The following UGT1A8 variants were observed in gnomAD, a reference collection of about 807,000 sequenced individuals.
UGT1A8 encodes UDP-glucuronosyltransferase 1A8.
In UGT1A8, 39 loss-of-function variants were observed where a neutral mutation model predicts 45.3. That is an observed-to-expected ratio of 0.86 (90% CI 0.67 to 1.12). The LOEUF (loss-of-function observed/expected upper bound fraction) is 1.12. Ranked by LOEUF, UGT1A8 falls within the 50% of genes most tolerant of loss-of-function variation. The pLI is 0.00. For synonymous variants in UGT1A8, 275 were observed against 249.2 expected (o/e 1.10, Z -0.97); for missense variants, 719 against 664.9 (o/e 1.08, Z -0.90).
At position 233,772,501 on chromosome 2, in the gene UGT1A8, G is replaced by T. The variant is rs778667717; in HGVS notation, c.1535G>T (p.Arg512Leu). 1.3e-5 allele frequency: 21 copies of T among 1,614,038 alleles called. No homozygotes were observed. In the African/African-American group the frequency reaches 2.5e-4, roughly 19 times the overall value. The change falls in exon 5 of 5, where the codon CGG (arginine) becomes CTG (leucine). Residue 512 changes from arginine to leucine, a missense_variant. By Grantham distance (102) the Arg-to-Leu change is moderately radical. Coordinates refer to ENST00000373450, the MANE Select transcript of UGT1A8 (RefSeq NM_019076.5). ...ITFKCCAYGY[R>L]KCLGKKGRVK... Reference sequence around the variant, plus strand: ...TTTAAATGTTGTGCTTATGGCTACCGGAAATGCTTGGGGAAAAAAGGGCGA... The same window carrying T: ...TTTAAATGTTGTGCTTATGGCTACCTGAAATGCTTGGGGAAAAAAGGGCGA...
chr2:233,618,420 C>G lies in UGT1A8; in HGVS notation c.713C>G (p.Pro238Arg). 6.2e-7 allele frequency: 1 copy of G among 1,613,880 alleles called. No individual in the cohort carries two copies. The highest frequency in any genetic ancestry group is 8.5e-7 in the Non-Finnish European group (1 of 1,179,852). The change falls in exon 1 of 5, where the codon CCT becomes CGT. Residue 238 changes from proline to arginine, a missense_variant. Transcript: ENST00000373450. ...ATAGCCTCTGAAATTCTCCAAACAC[C>G]TGTCACAGCATATGATCTCTACAGC... The part of the protein sequence containing the change: ...LEIASEILQT[P>R]VTAYDLYSHT...
At chr2:233,674,028 T>G (rs2074270928) in intron 1 of UGT1A8, among the ~76,000 whole-genome samples, 1 of 152,198 alleles carries the variant, frequency 6.6e-6, no homozygotes, top group Admixed American at 6.5e-5. Flanking sequence ...AATAACATTC[T>G]TAGCAAATGT....
intron 1 of UGT1A8, among the ~76,000 whole-genome samples, chr2:233,665,643 GGCAGGCCCTTT>G (rs1402049646): frequency 2.0e-5 from 3 of 152,206 alleles, no homozygotes; most frequent in Admixed American, 2.0e-4. Flanking sequence ...GAGGTCTAAG[GGCAGGCCCTTT>G]GCTATCTGTA....
intron 1 of UGT1A8, among the ~76,000 whole-genome samples, chr2:233,737,428 G>A (rs188444988): frequency 6.6e-6 from 1 of 152,348 alleles, no homozygotes; most frequent in African/African-American, 2.4e-5. Context: ...CAGTATTTGG[G>A]TGGGAGTGTC....
chr2:233,700,256 G>A (rs1243486854), intron 1 of UGT1A8, among the ~76,000 whole-genome samples: 4 of 152,170 alleles, frequency 2.6e-5, no homozygotes, highest in African/African-American at 7.2e-5. Flanking sequence ...AAAATGCCAA[G>A]TCATTCTTAA....
intron 1 of UGT1A8, among the ~76,000 whole-genome samples, chr2:233,717,536 C>T (rs2076584500): frequency 6.6e-6 from 1 of 152,202 alleles, no homozygotes; most frequent in South Asian, 2.1e-4. Flanking sequence ...TAAGGGAAGC[C>T]TCAGCCTCAC....
chr2:233,706,733 A>G (rs2075921248), intron 1 of UGT1A8, among the ~76,000 whole-genome samples: 1 of 152,222 alleles, frequency 6.6e-6, no homozygotes, highest in African/African-American at 2.4e-5. Flanking sequence ...CAGGGTTGAC[A>G]GTGACTGTGA....
At chr2:233,747,290 C>A (rs1693611361) in intron 1 of UGT1A8, 1 of 1,601,096 alleles carries the variant, frequency 6.2e-7, no homozygotes, top group Admixed American at 1.7e-5. Context: ...CAGCCCTGGG[C>A]TGAGAGTGGG....
intron 1 of UGT1A8, chr2:233,672,339 A>G: frequency 6.2e-7 from 1 of 1,614,172 alleles, no homozygotes; most frequent in Non-Finnish European, 8.5e-7. Flanking sequence ...AATTAGTAGA[A>G]TACTTAAAGG....
At chr2:233,755,170 T>A (rs1240762958) in intron 1 of UGT1A8, 1 of 1,262,070 alleles carries the variant, frequency 7.9e-7, no homozygotes. Context: ...TCGGGGTTTT[T>A]GTCGGGGTGC....
chr2:233,686,521 C>T (rs752399800), intron 1 of UGT1A8, among the ~76,000 whole-genome samples: 3 of 152,078 alleles, frequency 2.0e-5, no homozygotes, highest in African/African-American at 4.8e-5. Context: ...CCTCCACCTG[C>T]GTTAGAACCT....
At chr2:233,757,033 A>T (rs1308821076) in intron 1 of UGT1A8, among the ~76,000 whole-genome samples, 1 of 151,746 alleles carries the variant, frequency 6.6e-6, no homozygotes, top group African/African-American at 2.4e-5. Flanking sequence ...CAATTTGAGA[A>T]CATCAAAGGA....
At chr2:233,713,323 C>T (rs758064318) in intron 1 of UGT1A8, 21 of 1,614,222 alleles carry the variant, frequency 1.3e-5, no homozygotes, top group Non-Finnish European at 1.7e-6. Context: ...ATGAAATTTT[C>T]TAGAAGAATG....
At chr2:233,678,776 C>T (rs1420912210) in intron 1 of UGT1A8, among the ~76,000 whole-genome samples, 2 of 152,172 alleles carry the variant, frequency 1.3e-5, no homozygotes, top group East Asian at 3.9e-4. Context: ...CTATTGATTC[C>T]CTGAGTGTGG....
intron 1 of UGT1A8, among the ~76,000 whole-genome samples, chr2:233,647,219 T>C (rs993677460): frequency 6.6e-6 from 1 of 152,198 alleles, no homozygotes; most frequent in Non-Finnish European, 1.5e-5. Flanking sequence ...CACGTGGAAA[T>C]TGTGGGAGTT....
At chr2:233,702,172 T>C (rs2075673441) in intron 1 of UGT1A8, among the ~76,000 whole-genome samples, 1 of 152,210 alleles carries the variant, frequency 6.6e-6, no homozygotes, top group Non-Finnish European at 1.5e-5. Context: ...TCACTCTTCT[T>C]TCTCTCCTTC....
At chr2:233,752,219 T>C (rs897315678) in intron 1 of UGT1A8, 28 of 152,194 alleles carry the variant, frequency 1.8e-4, no homozygotes, top group African/African-American at 6.0e-4. Context: ...AGAAAAAATA[T>C]CTGGCATTTT....
At chr2:233,738,209 A>G (rs1479952122) in intron 1 of UGT1A8, among the ~76,000 whole-genome samples, 2 of 152,090 alleles carry the variant, frequency 1.3e-5, no homozygotes, top group Admixed American at 6.5e-5. Flanking sequence ...ACTTTCTGCC[A>G]GGATTATAAG....
intron 1 of UGT1A8, among the ~76,000 whole-genome samples, chr2:233,712,676 G>C (rs2076247932): frequency 6.6e-6 from 1 of 152,192 alleles, no homozygotes; most frequent in Admixed American, 6.5e-5. Context: ...AGGAGACAGT[G>C]ACATGAAATG....
Sources: allele counts gnomAD v4.1 joint callset (sites outside exome capture counted in the v4.1 genomes callset), GRCh38; gene constraint gnomAD v4.1.1; transcripts MANE v1.5; gene names NCBI Gene and HGNC (gene_info 2026-07-23, HGNC 2026-07-21).